SHISA5: variants seen among roughly 807,000 people sequenced by gnomAD.
The protein encoded by SHISA5 is protein shisa-5.
A neutral mutation model predicts 27.5 loss-of-function variants in SHISA5; 21 were observed. That is an observed-to-expected ratio of 0.76 (90% CI 0.54 to 1.10). The LOEUF (loss-of-function observed/expected upper bound fraction) is 1.10. SHISA5 is among the 50% of genes least tolerant of loss of function. The pLI, the probability that SHISA5 is intolerant of heterozygous loss-of-function variation, is 0.00. For synonymous variants in SHISA5, 137 were observed against 142.2 expected (o/e 0.96, Z 0.26); for missense variants, 314 against 336.3 (o/e 0.93, Z 0.52).
intron 2 of SHISA5, among the ~76,000 whole-genome samples, chr3:48,485,787 T>C (rs1481477205): frequency 1.3e-5 from 2 of 151,362 alleles, no homozygotes; most frequent in Non-Finnish European, 2.9e-5. Flanking sequence ...GAGATGAGCC[T>C]GACAGCTGAG....
chr3:48,474,296 A>G (rs1372820858), intron 3 of SHISA5, among the ~76,000 whole-genome samples: 2 of 151,400 alleles, frequency 1.3e-5, no homozygotes, highest in Non-Finnish European at 2.9e-5. Flanking sequence ...TGTGTTGCCC[A>G]GGCTAATTTT....
At position 48,469,865 on chromosome 3, in the gene SHISA5, C is replaced by A; in HGVS notation, c.315-22G>T. ...GAACCTGCCAAAGAGCTAGACGTGA[C>A]CCGGGGCACCTCGCCCCTCCCCAGA... On this transcript the variant is annotated intron_variant, in intron 3 of 5. Coordinates refer to ENST00000296444, the MANE Select transcript of SHISA5 (RefSeq NM_016479.6). This position sits in a 1 kb window ranked among gnomAD's most constrained non-coding sequence, Gnocchi z 4.6. 1 of 1,605,938 alleles carries A rather than the reference C, an allele frequency of 6.2e-7. No individual in the cohort carries two copies. Among genetic ancestry groups the A allele is most frequent in the Non-Finnish European group, 8.5e-7 (1 of 1,176,088 alleles).
chr3:48,490,182 T>C (rs2041380889), intron 2 of SHISA5, among the ~76,000 whole-genome samples: 3 of 152,150 alleles, frequency 2.0e-5, no homozygotes, highest in Admixed American at 2.0e-4. Flanking sequence ...CAAGCGATTC[T>C]CCTGCCTCAG....
rs1169630533 is a variant in SHISA5 at position 48,492,150 on chromosome 3, C to CAAAA, written c.233+8983_233+8986dup. Among the ~76,000 whole-genome samples the CAAAA allele has an allele frequency of 1.4e-3, 27 of 18,920 alleles. 8 individuals are homozygous for CAAAA. Among genetic ancestry groups the CAAAA allele is most frequent in the Non-Finnish European group, 2.6e-3 (24 of 9,194 alleles). 12.4% of individuals were successfully genotyped at this position (18,920 alleles called of 152,430 possible). On this transcript the variant is annotated intron_variant, in intron 2 of 5. Transcript: ENST00000296444. ...CCGGGAACAGAGCAAGACTCCATCT[C>CAAAA]AAAAAAAAAAAAAAAAAAAAAAAAA...
At chr3:48,481,180 C>A (rs2040997879) in intron 2 of SHISA5, among the ~76,000 whole-genome samples, 1 of 151,962 alleles carries the variant, frequency 6.6e-6, no homozygotes, top group Non-Finnish European at 1.5e-5. Context: ...GTGGCTCACG[C>A]CTGTAATCCC....
chr3:48,501,292 T>C lies in SHISA5; in HGVS notation c.78A>G (p.Ala26=), dbSNP rs2107392166. ...GGGAAGCCATACACACCTCACCACG[T>C]GCTGGAGAGGAGAAACACATCTGTT... ...LLLLLTPPPG[A]RGEVCMASRG... is the part of the protein sequence containing the mutation. Residue 26 remains alanine, a splice_region_variant and synonymous_variant, in exon 2 of 6, where the codon GCA becomes GCG. Coordinates refer to ENST00000296444, the MANE Select transcript of SHISA5 (RefSeq NM_016479.6). 1 of 1,613,558 alleles carries C rather than the reference T, an allele frequency of 6.2e-7. No individual in the cohort carries two copies. The highest frequency in any genetic ancestry group is 8.5e-7 in the Non-Finnish European group (1 of 1,179,662).
chr3:48,483,131 C>T (rs1397222042), intron 2 of SHISA5, among the ~76,000 whole-genome samples: 3 of 150,430 alleles, frequency 2.0e-5, no homozygotes, highest in African/African-American at 2.5e-5. Flanking sequence ...GGGTGTTTCT[C>T]GCAGAGGGGG....
At chr3:48,494,262 A>C (rs970319687) in intron 2 of SHISA5, among the ~76,000 whole-genome samples, 5 of 144,878 alleles carry the variant, frequency 3.5e-5, no homozygotes, top group African/African-American at 1.4e-4. Context: ...CTCCAGGTAC[A>C]TCCATGTCAT....
intron 2 of SHISA5, among the ~76,000 whole-genome samples, chr3:48,488,333 T>G (rs1187535077): frequency 6.8e-6 from 1 of 147,908 alleles, no homozygotes; most frequent in Non-Finnish European, 1.5e-5. Flanking sequence ...GTTCACGCCA[T>G]TCTCCTCCCT....
rs1394420110 is a variant in SHISA5 at position 48,470,888 on chromosome 3, T to C, written c.315-1045A>G. Among the ~76,000 whole-genome samples, 2 of 151,154 alleles carry C rather than the reference T, an allele frequency of 1.3e-5. No individual in the cohort carries two copies. Among genetic ancestry groups the C allele is most frequent in the Non-Finnish European group, 2.9e-5 (2 of 67,830 alleles). On this transcript the variant is annotated intron_variant, in intron 3 of 5. Transcript: ENST00000296444. This position sits in a 1 kb window ranked among gnomAD's most constrained non-coding sequence, Gnocchi z 4.3. ...GTTGCATTCAGCCAAGATCACGCCATTGCACTCCAGCCTGGGGACAGGAGC... is the reference window on the plus strand; with the variant it reads ...GTTGCATTCAGCCAAGATCACGCCACTGCACTCCAGCCTGGGGACAGGAGC...
At chr3:48,503,124 T>C in intron 1 of SHISA5, 1 of 1,289,822 alleles carries the variant, frequency 7.8e-7, no homozygotes, top group South Asian at 1.2e-5. Context: ...GCATGGCCCG[T>C]GCCTGGTGGC....
chr3:48,499,552 C>T (rs146511289), intron 2 of SHISA5, among the ~76,000 whole-genome samples: 3 of 149,980 alleles, frequency 2.0e-5, no homozygotes, highest in Non-Finnish European at 3.0e-5. Context: ...TGGTGGCGGG[C>T]GCCTGTAGTT....
At chr3:48,486,472 TTATA>T (rs587765609) in intron 2 of SHISA5, among the ~76,000 whole-genome samples, 1 of 108,302 alleles carries the variant, frequency 9.2e-6, no homozygotes, top group African/African-American at 3.8e-5. Context: ...TATAATTATA[TTATA>T]TATATTACAT....
At chr3:48,503,271 A>G in intron 1 of SHISA5, 1 of 905,564 alleles carries the variant, frequency 1.1e-6, no homozygotes, top group South Asian at 1.4e-5. Context: ...TCACTGAATC[A>G]GTGACCGACC....
chr3:48,493,075 G>A (rs1170275787), intron 2 of SHISA5, among the ~76,000 whole-genome samples: 3 of 147,510 alleles, frequency 2.0e-5, no homozygotes, highest in Admixed American at 1.3e-4. Flanking sequence ...GCCATAAAAT[G>A]TACTGAAATC....
intron 2 of SHISA5, 110 bp from the exon 3 acceptor site, chr3:48,479,367 G>T: frequency 1.0e-6 from 1 of 1,004,348 alleles, no homozygotes; most frequent in Non-Finnish European, 1.5e-6. Flanking sequence ...TGAACCGGTG[G>T]CTTCAATGGC....
chr3:48,494,170 T>G (rs1014689492), intron 2 of SHISA5, among the ~76,000 whole-genome samples: 2 of 147,522 alleles, frequency 1.4e-5, no homozygotes, highest in Non-Finnish European at 2.9e-5. Flanking sequence ...TTCTATGAGT[T>G]TGACTTTGAC....
At chr3:48,498,689 G>GAAAAAAAAAAAAAA (rs11294310) in intron 2 of SHISA5, among the ~76,000 whole-genome samples, 2 of 80,624 alleles carry the variant, frequency 2.5e-5, no homozygotes, top group African/African-American at 4.2e-5. Context: ...TCTCCAGAAA[G>GAAAAAAAAAAAAAA]AAAAAAAAAA....
rs775563106 is a variant in SHISA5 at position 48,468,254 on chromosome 3, G to C, written c.*853C>G. ...GAAACAGAAAACAGGCAAAATGTTT[G>C]GCTAAAATAAAATGAAAACACTGCA... On this transcript the variant is annotated 3_prime_UTR_variant, in exon 6 of 6. Transcript: ENST00000296444. 5.1e-5 allele frequency: 51 copies of C among 1,000,200 alleles called. No homozygotes were observed. Among genetic ancestry groups the C allele is most frequent in the Non-Finnish European group, 5.6e-5 (47 of 838,282 alleles). 62.0% of individuals were successfully genotyped at this position (1,000,200 alleles called of 1,614,324 possible).
Sources: gnomAD v4.1 joint callset for allele counts (sites outside exome capture counted in the v4.1 genomes callset) on GRCh38, gnomAD v4.1.1 for gene constraint, Gnocchi (gnomAD v3.1) non-coding constraint, MANE v1.5 for transcripts, NCBI Gene and HGNC (gene_info 2026-07-23, HGNC 2026-07-21) for gene names.